Variants in ZNF248 observed in about 807,000 individuals in gnomAD.
ZNF248 encodes KRAB protein domain.
A neutral mutation model predicts 44.3 loss-of-function variants in ZNF248; 20 were observed. That is an observed-to-expected ratio of 0.45 (90% confidence interval 0.32 to 0.66). The LOEUF (loss-of-function observed/expected upper bound fraction) is 0.66, where lower values mean the gene tolerates loss of function less well. Ranked by LOEUF, ZNF248 falls within the 30% of genes least tolerant of loss-of-function variation. The pLI is 0.04. For missense variants in ZNF248, 654 were observed against 677.0 expected (o/e 0.97, Z 0.38); for synonymous variants, 224 against 229.0 (o/e 0.98, Z 0.20).
At chr10:37,828,560 A>G (rs1284855948), downstream of ZNF248, among the ~76,000 whole-genome samples, 5 of 152,172 alleles carry the variant, frequency 3.3e-5, no homozygotes, top group Non-Finnish European at 7.3e-5. Flanking sequence ...GATCAATACA[A>G]ATGTGGAGGA....
rs2135143380 is a variant in ZNF248, at chr10:37,857,523, T to A, written c.-464A>T. The A allele has an allele frequency of 6.6e-6, 1 of 152,346 alleles. No homozygotes were observed. The highest frequency in any genetic ancestry group is 1.5e-5 in the Non-Finnish European group (1 of 68,058). 9.4% of individuals were successfully genotyped at this position (152,346 alleles called of 1,614,324 possible). ...GCAAGTATTCCTAATATCCGTAATT[T>A]ACAGAGAGGAAAACCGAGTCTCCCG... is the stretch of plus-strand genomic sequence containing the variant. On this transcript the variant is annotated 5_prime_UTR_variant, in exon 1 of 6. Transcript: ENST00000395867.
chr10:37,842,600 A>C (rs2058539707), intron 3 of ZNF248, among the ~76,000 whole-genome samples: 1 of 152,180 alleles, frequency 6.6e-6, no homozygotes, highest in African/African-American at 2.4e-5. Flanking sequence ...ACTATGTGGG[A>C]AATACCTGAA....
intron 3 of ZNF248, among the ~76,000 whole-genome samples, chr10:37,843,765 A>C (rs995519613): frequency 6.6e-6 from 1 of 152,230 alleles, no homozygotes; most frequent in African/African-American, 2.4e-5. Context: ...AAATGACCGA[A>C]ATTTAAAAAT....
the ZNF248 span, among the ~76,000 whole-genome samples, chr10:37,764,503 C>A: frequency 6.6e-6 from 1 of 152,110 alleles, no homozygotes; most frequent in Non-Finnish European, 1.5e-5. Context: ...GTGACCCAGA[C>A]CCTACTAGAA....
chr10:37,848,363 C>T (rs970247805), intron 3 of ZNF248, among the ~76,000 whole-genome samples: 3 of 152,096 alleles, frequency 2.0e-5, no homozygotes, highest in Non-Finnish European at 4.4e-5. Context: ...ATGGACAGAT[C>T]GCCTGAGCTC....
chr10:37,824,039 A>G (rs1259590913), downstream of ZNF248, among the ~76,000 whole-genome samples: 3 of 152,182 alleles, frequency 2.0e-5, no homozygotes, highest in Non-Finnish European at 4.4e-5. Flanking sequence ...GAGCTTTATG[A>G]TAAGGAATTG....
chr10:37,771,605 C>G (rs1305111523), downstream of ZNF248, among the ~76,000 whole-genome samples: 2 of 134,230 alleles, frequency 1.5e-5, no homozygotes, highest in Non-Finnish European at 3.0e-5. Flanking sequence ...AGGAGAACAT[C>G]ACACTCCGCG....
chr10:37,780,947 C>T (rs2047235771), intron 6 of ZNF248, among the ~76,000 whole-genome samples: 3 of 152,230 alleles, frequency 2.0e-5, no homozygotes, highest in South Asian at 4.1e-4. Flanking sequence ...TTGCAAAAGG[C>T]GCAGAGCACA....
At chr10:37,847,549 T>C (rs1439864860) in intron 3 of ZNF248, among the ~76,000 whole-genome samples, 3 of 152,230 alleles carry the variant, frequency 2.0e-5, no homozygotes. Flanking sequence ...TGTGGGTAAC[T>C]TATTTTCAAA....
At chr10:37,808,258 C>A (rs1471249211) in intron 6 of ZNF248, among the ~76,000 whole-genome samples, 1 of 150,622 alleles carries the variant, frequency 6.6e-6, no homozygotes, top group African/African-American at 2.4e-5. Flanking sequence ...CCTGCTTGGT[C>A]ATGGTATATA....
chr10:37,798,237 T>TAAATGGAA (rs1189010226), intron 6 of ZNF248, among the ~76,000 whole-genome samples: 3 of 152,122 alleles, frequency 2.0e-5, no homozygotes. Context: ...TATAATTCCA[T>TAAATGGAA]TTATATGAAA....
intron 6 of ZNF248, among the ~76,000 whole-genome samples, chr10:37,788,587 C>T (rs1275889720): frequency 1.3e-5 from 2 of 152,128 alleles, no homozygotes; most frequent in Non-Finnish European, 1.5e-5. Flanking sequence ...CACCACTGCA[C>T]TCCAGCCTGG....
chr10:37,769,552 G>C, the ZNF248 span, among the ~76,000 whole-genome samples: 9 of 152,088 alleles, frequency 5.9e-5, no homozygotes, highest in Non-Finnish European at 1.3e-4. Context: ...TGCAGAAAAG[G>C]CCTTTGACAA....
At position 37,830,679 on chromosome 10, in the gene ZNF248, C is replaced by A; in HGVS notation, c.*936G>T. On this transcript the variant is annotated 3_prime_UTR_variant, in exon 6 of 6. Transcript: ENST00000395867. ...ATTAAAACCCTGATTTATAGTTTGT[C>A]AATTTCCATGGTGTAAACACTCCCA... is the stretch of plus-strand genomic sequence containing the variant. 2 of 911,796 alleles carry A rather than the reference C, an allele frequency of 2.2e-6. No homozygotes were observed. The highest frequency in any genetic ancestry group is 1.3e-6 in the Non-Finnish European group (1 of 763,026). 56.5% of individuals were successfully genotyped at this position (911,796 alleles called of 1,614,324 possible). A position where few individuals can be genotyped will look rare whatever the true frequency, so the allele number is the denominator to read the frequency against.
Position 37,831,749 on chromosome 10 carries a change from T to C in ZNF248, c.1606A>G (p.Thr536Ala), listed in dbSNP as rs2055701939. 1.2e-6 allele frequency: 2 copies of C among 1,613,180 alleles called. No individual in the cohort carries two copies. The highest frequency in any genetic ancestry group is 1.7e-6 in the Non-Finnish European group (2 of 1,179,348). ...CCTGTGTGAGTCCTCTGATGTTTAG[T>C]GAGAGCTGATTTTTCACAGAAGGTT... is the stretch of plus-strand genomic sequence containing the variant. ...GKTFCEKSALTKHQRTHTGEK... is the reference protein window; with the variant it reads ...GKTFCEKSALAKHQRTHTGEK... The change falls in exon 6 of 6, where the codon ACT (threonine) becomes GCT (alanine). Residue 536 changes from threonine (T) to alanine (A), a missense_variant. Coordinates refer to ENST00000395867, the MANE Select transcript of ZNF248 (RefSeq NM_021045.3).
chr10:37,823,717 G>A (rs536652784), intron 6 of ZNF248, among the ~76,000 whole-genome samples: 1 of 152,038 alleles, frequency 6.6e-6, no homozygotes, highest in Admixed American at 6.5e-5. Flanking sequence ...AGGGCTACAG[G>A]CACATGCCAC....
At chr10:37,808,810 T>G (rs991206726) in intron 6 of ZNF248, among the ~76,000 whole-genome samples, 2 of 152,196 alleles carry the variant, frequency 1.3e-5, no homozygotes, top group Non-Finnish European at 2.9e-5. Flanking sequence ...TTAGTCGGTC[T>G]TTAAATGTTT....
intron 6 of ZNF248, among the ~76,000 whole-genome samples, chr10:37,797,554 T>G (rs1157156719): frequency 6.6e-6 from 1 of 152,120 alleles, no homozygotes; most frequent in Non-Finnish European, 1.5e-5. Flanking sequence ...AAATTACATA[T>G]CTGACAAGGG....
At chr10:37,821,512 T>C (rs760176992) in intron 6 of ZNF248, among the ~76,000 whole-genome samples, 1 of 152,168 alleles carries the variant, frequency 6.6e-6, no homozygotes, top group African/African-American at 2.4e-5. Context: ...TTCAATCACA[T>C]TCAAGAGCCT....
Sources: gnomAD v4.1 joint callset for allele counts (sites outside exome capture counted in the v4.1 genomes callset) on GRCh38, gnomAD v4.1.1 for gene constraint, MANE v1.5 for transcripts, NCBI Gene and HGNC (gene_info 2026-07-23, HGNC 2026-07-21) for gene names.